SGCZ: variants seen among roughly 807,000 people sequenced by gnomAD.
The protein encoded by SGCZ is sarcoglycan zeta.
A neutral mutation model predicts 41.3 loss-of-function variants in SGCZ; 40 were observed. That is an observed-to-expected ratio of 0.97 (90% CI 0.75 to 1.26). The LOEUF (loss-of-function observed/expected upper bound fraction) is 1.26. SGCZ is among the 50% of genes most tolerant of loss of function. The pLI, the probability that SGCZ is intolerant of heterozygous loss-of-function variation, is 0.00. For missense variants in SGCZ, 552 were observed against 369.8 expected (o/e 1.49, Z -4.04); for synonymous variants, 206 against 137.5 (o/e 1.50, Z -3.49).
chr8:15,000,118 G>A (rs1802362010), intron 1 of SGCZ, among the ~76,000 whole-genome samples: 1 of 152,056 alleles, frequency 6.6e-6, no homozygotes, highest in African/African-American at 2.4e-5. Flanking sequence ...AGGCACCAGG[G>A]GTACACTGAC....
intron 2 of SGCZ, among the ~76,000 whole-genome samples, chr8:14,350,733 T>C (rs1012384849): frequency 2.0e-5 from 3 of 152,060 alleles, no homozygotes; most frequent in African/African-American, 7.2e-5. Context: ...TTTCCCTCTC[T>C]CCAATCTTGA....
In SGCZ at chr8:14,673,168, G is replaced by A. The variant is rs141131850; in HGVS notation, c.40-118242C>T. On this transcript the variant is annotated intron_variant, in intron 1 of 7. Transcript: ENST00000382080. ...TAGTGAGTGTTATGATGTTTACCCT[G>A]TATTGTAACCACTATACTGTCTTGT... 1.9e-4 allele frequency among the ~76,000 whole-genome samples: 29 copies of A among 152,268 alleles called. No homozygotes were observed. The East Asian group carries it at 5.2e-3, about 27-fold the overall frequency.
chr8:15,108,536 G>A (rs906354296), intron 1 of SGCZ, among the ~76,000 whole-genome samples: 1 of 152,132 alleles, frequency 6.6e-6, no homozygotes, highest in Non-Finnish European at 1.5e-5. Flanking sequence ...TAAGAGCTCA[G>A]AACACAAAAT....
At chr8:14,800,133 G>A (rs1585270966) in intron 1 of SGCZ, among the ~76,000 whole-genome samples, 3 of 144,196 alleles carry the variant, frequency 2.1e-5, no homozygotes, top group African/African-American at 5.1e-5. Context: ...ACTTTTTCAA[G>A]ATGTTAAGTT....
chr8:15,070,638 T>G (rs79537133), intron 1 of SGCZ, among the ~76,000 whole-genome samples: 2,062 of 152,244 alleles, frequency 0.014, 19 homozygotes, highest in Middle Eastern at 0.02. Context: ...TTATTGCAAA[T>G]GGATTTTTAC....
chr8:14,998,921 G>A (rs1413834802), intron 1 of SGCZ, among the ~76,000 whole-genome samples: 2 of 152,170 alleles, frequency 1.3e-5, no homozygotes, highest in East Asian at 1.9e-4. Context: ...TAAAATTATT[G>A]ATTGAATTTA....
intron 1 of SGCZ, among the ~76,000 whole-genome samples, chr8:14,891,742 G>A (rs1182840682): frequency 6.6e-6 from 1 of 152,160 alleles, no homozygotes; most frequent in Non-Finnish European, 1.5e-5. Context: ...AAAAGGAAGA[G>A]TCAATCAATG....
intron 2 of SGCZ, among the ~76,000 whole-genome samples, chr8:14,333,226 T>TG (rs1434498332): frequency 6.6e-6 from 1 of 151,972 alleles, no homozygotes; most frequent in Non-Finnish European, 1.5e-5. Context: ...GGGAGAGACT[T>TG]GCTGTAAAAG....
chr8:15,180,525 T>C (rs112750687), intron 1 of SGCZ, among the ~76,000 whole-genome samples: 10 of 152,042 alleles, frequency 6.6e-5, no homozygotes, highest in African/African-American at 2.4e-4. Flanking sequence ...AAAACAATAC[T>C]CATTCTAATC....
At chr8:14,887,250 G>C (rs527405610) in intron 1 of SGCZ, among the ~76,000 whole-genome samples, 1 of 152,170 alleles carries the variant, frequency 6.6e-6, no homozygotes, top group Non-Finnish European at 1.5e-5. Flanking sequence ...TTCTCATGCA[G>C]ATATCCTTAT....
At chr8:15,198,899 GGAAAAGCATA>G (rs1470827211) in intron 1 of SGCZ, among the ~76,000 whole-genome samples, 1 of 152,172 alleles carries the variant, frequency 6.6e-6, no homozygotes, top group African/African-American at 2.4e-5. Context: ...TAGGTATCAA[GGAAAAGCATA>G]GGTTTGCAGG....
chr8:14,950,963 T>A (rs4636208), intron 1 of SGCZ, among the ~76,000 whole-genome samples: 93,746 of 151,794 alleles, frequency 0.62, 29,441 homozygotes, highest in African/African-American at 0.72. Context: ...AATGTAGATG[T>A]AAGTCAGTCA....
At chr8:14,631,017 T>C (rs1181362350) in intron 1 of SGCZ, among the ~76,000 whole-genome samples, 1 of 151,732 alleles carries the variant, frequency 6.6e-6, no homozygotes, top group African/African-American at 2.4e-5. Flanking sequence ...ACTTAAAGTA[T>C]AATAAAAAAA....
chr8:14,314,286 A>ATT (rs36000069), intron 3 of SGCZ, among the ~76,000 whole-genome samples: 4 of 151,598 alleles, frequency 2.6e-5, no homozygotes, highest in Admixed American at 1.3e-4. Flanking sequence ...TCATAGTATT[A>ATT]TTTTTTTTCC....
intron 4 of SGCZ, among the ~76,000 whole-genome samples, chr8:14,169,189 G>A (rs887854799): frequency 2.0e-5 from 3 of 151,938 alleles, no homozygotes; most frequent in Non-Finnish European, 1.5e-5. Flanking sequence ...TTAATATTTG[G>A]GGGAACTTTT....
chr8:14,392,380 G>A (rs914778288), intron 2 of SGCZ, among the ~76,000 whole-genome samples: 5 of 152,274 alleles, frequency 3.3e-5, no homozygotes, highest in African/African-American at 9.6e-5. Flanking sequence ...AGCATAGCTA[G>A]TTTTAATCAT....
chr8:15,103,400 CTAAATAAATAAATAAA>C (rs3069836), intron 1 of SGCZ, among the ~76,000 whole-genome samples: 1 of 143,360 alleles, frequency 7.0e-6, no homozygotes, highest in East Asian at 2.0e-4. Context: ...GACCCTGTCT[CTAAATAAATAAATAAA>C]TAAATAAATA....
chr8:14,860,545 A>G (rs574941692), intron 1 of SGCZ, among the ~76,000 whole-genome samples: 2 of 151,682 alleles, frequency 1.3e-5, no homozygotes, highest in Admixed American at 1.3e-4. Flanking sequence ...AATGAAAGAA[A>G]GAAAGAGAAA....
At chr8:14,202,312 G>C (rs1805480291) in intron 4 of SGCZ, among the ~76,000 whole-genome samples, 1 of 152,134 alleles carries the variant, frequency 6.6e-6, no homozygotes. Context: ...ACAATTCTTA[G>C]AGTGGAACAC....
Sources: allele counts gnomAD v4.1 joint callset (sites outside exome capture counted in the v4.1 genomes callset), GRCh38; gene constraint gnomAD v4.1.1; transcripts MANE v1.5; gene names NCBI Gene and HGNC (gene_info 2026-07-23, HGNC 2026-07-21).